FHIT: variants seen among roughly 807,000 people sequenced by gnomAD.
FHIT encodes fragile histidine triad diadenosine triphosphatase.
Under a neutral mutation model 17.9 loss-of-function variants are expected in FHIT, and 19 were observed. The ratio of observed to expected loss-of-function variants is 1.06; its 90% CI spans 0.74 to 1.56. The LOEUF (loss-of-function observed/expected upper bound fraction) is 1.56. FHIT is among the 40% of genes most tolerant of loss of function. The pLI is 0.00. For synonymous variants in FHIT, 81 were observed against 69.7 expected (o/e 1.16, Z -0.81); for missense variants, 248 against 189.2 (o/e 1.31, Z -1.82).
intron 4 of FHIT, among the ~76,000 whole-genome samples, chr3:60,637,812 CCT>C (rs2039626256): frequency 6.6e-6 from 1 of 152,028 alleles, no homozygotes; most frequent in Non-Finnish European, 1.5e-5. Context: ...GTACTTAGTG[CCT>C]CTATTTTGGA....
intron 5 of FHIT, among the ~76,000 whole-genome samples, chr3:60,236,694 G>A (rs1576350400): frequency 6.6e-6 from 1 of 152,086 alleles, no homozygotes; most frequent in East Asian, 1.9e-4. Flanking sequence ...AGGCAATTGA[G>A]TGTTTTATTT....
At chr3:61,177,130 T>A (rs2038182035) in intron 2 of FHIT, among the ~76,000 whole-genome samples, 1 of 151,224 alleles carries the variant, frequency 6.6e-6, no homozygotes. Context: ...TGAGCCGAGA[T>A]TGCACCCCTG....
At chr3:60,846,830 T>C (rs998227658) in intron 3 of FHIT, among the ~76,000 whole-genome samples, 1 of 152,140 alleles carries the variant, frequency 6.6e-6, no homozygotes, top group Admixed American at 6.5e-5. Context: ...ATCTTTCTTT[T>C]TTTTTTTCTT....
At chr3:61,112,344 A>G (rs2036184424) in intron 2 of FHIT, among the ~76,000 whole-genome samples, 1 of 151,848 alleles carries the variant, frequency 6.6e-6, no homozygotes, top group Non-Finnish European at 1.5e-5. Context: ...CCACCCCCAG[A>G]AAGACAGGCG....
At chr3:60,442,290 G>C (rs920986863) in intron 5 of FHIT, among the ~76,000 whole-genome samples, 4 of 152,006 alleles carry the variant, frequency 2.6e-5, no homozygotes, top group African/African-American at 4.8e-5. Flanking sequence ...TTTTTACATA[G>C]AATCAAAAGA....
intron 5 of FHIT, among the ~76,000 whole-genome samples, chr3:60,047,622 G>A (rs1701705946): frequency 6.6e-6 from 1 of 152,206 alleles, no homozygotes; most frequent in African/African-American, 2.4e-5. Flanking sequence ...TGTGAGCAGT[G>A]AAACTATGAC....
chr3:60,424,791 T>A (rs2107274993), intron 5 of FHIT, among the ~76,000 whole-genome samples: 1 of 152,042 alleles, frequency 6.6e-6, no homozygotes, highest in South Asian at 2.1e-4. Flanking sequence ...GAAAAAAAAA[T>A]GCTATAAAAT....
intron 5 of FHIT, among the ~76,000 whole-genome samples, chr3:60,057,532 G>A (rs1232080449): frequency 6.6e-6 from 1 of 152,118 alleles, no homozygotes; most frequent in African/African-American, 2.4e-5. Context: ...AGTGAAATAA[G>A]CCAGTCACAA....
chr3:59,897,535 T>C (rs1233876641), intron 8 of FHIT, among the ~76,000 whole-genome samples: 2 of 152,212 alleles, frequency 1.3e-5, no homozygotes, highest in Non-Finnish European at 2.9e-5. Flanking sequence ...CTCTAAATAC[T>C]CAGTTCCGTG....
chr3:60,785,896 G>A (rs6805291), intron 4 of FHIT, among the ~76,000 whole-genome samples: 19,512 of 83,952 alleles, frequency 0.23, 2,208 homozygotes, highest in African/African-American at 0.42. Context: ...ACAAACAGAA[G>A]ACACACACAC....
chr3:59,975,059 C>T (rs1489642356), intron 7 of FHIT, among the ~76,000 whole-genome samples: 1 of 151,954 alleles, frequency 6.6e-6, no homozygotes, highest in East Asian at 1.9e-4. Flanking sequence ...GCCCTCATTC[C>T]CCTCAACCAA....
intron 8 of FHIT, among the ~76,000 whole-genome samples, chr3:59,851,076 A>G (rs1701913295): frequency 6.6e-6 from 1 of 152,198 alleles, no homozygotes; most frequent in Non-Finnish European, 1.5e-5. Flanking sequence ...TGAAGCTGTG[A>G]TATTCTGATC....
At chr3:60,695,027 G>T (rs1226574428) in intron 4 of FHIT, among the ~76,000 whole-genome samples, 14 of 152,042 alleles carry the variant, frequency 9.2e-5, no homozygotes, top group Admixed American at 9.2e-4. Flanking sequence ...AAACCTGCAC[G>T]TTGTGCACAT....
intron 5 of FHIT, among the ~76,000 whole-genome samples, chr3:60,480,209 A>G (rs936564351): frequency 2.0e-5 from 3 of 152,088 alleles, no homozygotes; most frequent in Non-Finnish European, 4.4e-5. Flanking sequence ...AAATAACCAC[A>G]TCTCATGAGA....
intron 7 of FHIT, among the ~76,000 whole-genome samples, chr3:59,960,914 T>C (rs529227568): frequency 5.9e-5 from 9 of 152,320 alleles, no homozygotes; most frequent in African/African-American, 1.7e-4. Flanking sequence ...AATGGTCAAA[T>C]TATCCTGACA....
chr3:60,760,403 A>G (rs1699606211), intron 4 of FHIT, among the ~76,000 whole-genome samples: 1 of 152,222 alleles, frequency 6.6e-6, no homozygotes, highest in African/African-American at 2.4e-5. Flanking sequence ...TAGCAGGACC[A>G]GCAGAGAGAA....
At chr3:59,897,924 G>A (rs918983632) in intron 8 of FHIT, among the ~76,000 whole-genome samples, 4 of 151,940 alleles carry the variant, frequency 2.6e-5, no homozygotes, top group Non-Finnish European at 4.4e-5. Flanking sequence ...CCGCCACCAC[G>A]CCTGGCTAAT....
At chr3:59,998,731 A>T (rs1699614832) in intron 7 of FHIT, among the ~76,000 whole-genome samples, 1 of 152,136 alleles carries the variant, frequency 6.6e-6, no homozygotes, top group Non-Finnish European at 1.5e-5. Flanking sequence ...CACCTGAGAA[A>T]GTCATTCCTT....
At chr3:59,848,126 T>C (rs947265238) in intron 8 of FHIT, among the ~76,000 whole-genome samples, 2 of 152,144 alleles carry the variant, frequency 1.3e-5, no homozygotes, top group African/African-American at 4.8e-5. Context: ...CCACCGTGGC[T>C]CCCACAAGCC....
Sources: gnomAD v4.1 joint callset for allele counts (sites outside exome capture counted in the v4.1 genomes callset) on GRCh38, gnomAD v4.1.1 for gene constraint, MANE v1.5 for transcripts, NCBI Gene and HGNC (gene_info 2026-07-23, HGNC 2026-07-21) for gene names.